RIMBP2: variants seen among roughly 807,000 people sequenced by gnomAD.
The protein encoded by RIMBP2 is RIMS binding protein 2, also known as RIMS-binding protein 2.
Under a neutral mutation model 118.6 loss-of-function variants are expected in RIMBP2, and 48 were observed. The observed-to-expected ratio is 0.40, with a 90% CI of 0.32 to 0.51. The LOEUF (loss-of-function observed/expected upper bound fraction) is 0.51, where lower values mean the gene tolerates loss of function less well. Ranked by LOEUF, RIMBP2 falls within the 20% of genes least tolerant of loss-of-function variation. RIMBP2 has a pLI of 0.41. For synonymous variants in RIMBP2, 762 were observed against 742.9 expected, an observed-to-expected ratio of 1.03 and a Z score of -0.42; for missense variants, 1,551 against 1,768.3, an observed-to-expected ratio of 0.88 and a Z score of 2.20.
chr12:130,546,314 G>C (rs1403150761), intron 2 of RIMBP2, among the ~76,000 whole-genome samples: 2 of 148,800 alleles, frequency 1.3e-5, no homozygotes, highest in African/African-American at 5.0e-5. Context: ...TTAGCTTTTT[G>C]AGACAGAATC....
chr12:130,644,743 T>C (rs1374886693), intron 1 of RIMBP2, among the ~76,000 whole-genome samples: 1 of 152,200 alleles, frequency 6.6e-6, no homozygotes, highest in Non-Finnish European at 1.5e-5. Flanking sequence ...CAGGAGCATA[T>C]GGCCACAACC....
At position 130,648,004 on chromosome 12, in the gene RIMBP2, C is replaced by T. The variant is rs1335934088; in HGVS notation, c.-351-19548G>A. Among the ~76,000 whole-genome samples the T allele has an allele frequency of 1.4e-5, 2 of 146,462 alleles. 1 individual carries two copies. The highest frequency in any genetic ancestry group is 4.9e-5 in the African/African-American group (2 of 40,890). On this transcript the variant is annotated intron_variant, in intron 1 of 22. Transcript: ENST00000690449. Reference sequence around the variant, plus strand: ...CTCCGTTGGATAACACATGCACACACGTGTGCACACACATGTGAACACACG... The same window carrying T: ...CTCCGTTGGATAACACATGCACACATGTGTGCACACACATGTGAACACACG...
At chr12:130,676,435 C>T (rs1451013551) in intron 1 of RIMBP2, among the ~76,000 whole-genome samples, 1 of 151,306 alleles carries the variant, frequency 6.6e-6, no homozygotes, top group Non-Finnish European at 1.5e-5. Flanking sequence ...CCATCCTGGC[C>T]AACATGGTGA....
chr12:130,597,801 G>A lies in RIMBP2; in HGVS notation c.-217+30521C>T, dbSNP rs376791538. ...ATTAACAACCTTAAGGTAAAAAATT[G>A]ACTGCTTTCTCCCTAAGATTGGACA... On this transcript the variant is annotated intron_variant, in intron 2 of 22. Coordinates refer to ENST00000690449, the MANE Select transcript of RIMBP2 (RefSeq NM_001393629.1). Among the ~76,000 whole-genome samples the A allele has an allele frequency of 1.2e-4, 19 of 152,314 alleles. No homozygotes were observed. In the South Asian group the frequency reaches 3.7e-3, roughly 30 times the overall value.
intron 4 of RIMBP2, among the ~76,000 whole-genome samples, chr12:130,495,767 T>G (rs751657099): frequency 6.6e-6 from 1 of 152,220 alleles, no homozygotes; most frequent in Non-Finnish European, 1.5e-5. Flanking sequence ...AGCCACTATG[T>G]TAGATCACTG....
rs116121123 is a variant in RIMBP2 at position 130,582,715 on chromosome 12, G to A, written c.-217+45607C>T. 8.6e-3 allele frequency among the ~76,000 whole-genome samples: 1,303 copies of A among 152,320 alleles called. 17 individuals are homozygous for A. Among genetic ancestry groups the A allele is most frequent in the African/African-American group, 0.03 (1,245 of 41,568 alleles). ...CATTCTCTGCCCAAACCCAGGACCT[G>A]CTGAATCAGAAACTGGAGGAGGGGC... On this transcript the variant is annotated intron_variant, in intron 2 of 22. Transcript: ENST00000690449.
At chr12:130,407,938 T>C in intron 19 of RIMBP2, 109 bp from the exon 20 acceptor site, 1 of 956,894 alleles carries the variant, frequency 1.0e-6, no homozygotes, top group Non-Finnish European at 1.7e-6. Flanking sequence ...GACCTGGCAC[T>C]GCTAACAGGG....
At chr12:130,674,881 G>A (rs1240388120) in intron 1 of RIMBP2, among the ~76,000 whole-genome samples, 2 of 152,114 alleles carry the variant, frequency 1.3e-5, no homozygotes, top group Non-Finnish European at 1.5e-5. Context: ...TTCCGGGTCC[G>A]GCCTCTTCCA....
At chr12:130,598,546 G>A (rs777135487) in intron 2 of RIMBP2, among the ~76,000 whole-genome samples, 2 of 152,226 alleles carry the variant, frequency 1.3e-5, no homozygotes, top group Admixed American at 1.3e-4. Flanking sequence ...GGCTAACACG[G>A]TGAAACCCCA....
At position 130,411,257 on chromosome 12, in the gene RIMBP2, T is replaced by A. The variant is rs568420761; in HGVS notation, c.3589+1362A>T. Among the ~76,000 whole-genome samples, 15 of 152,322 alleles carry A rather than the reference T, an allele frequency of 9.8e-5. No homozygotes were observed. In the South Asian group the frequency reaches 3.1e-3, roughly 32 times the overall value. ...TAGGAACTTTTTTATCCTTTGAGAT[T>A]CCTTGAGATTTTCTAAGTAGATTTC... is the stretch of plus-strand genomic sequence containing the variant. On this transcript the variant is annotated intron_variant, in intron 19 of 22. Coordinates refer to ENST00000690449, the MANE Select transcript of RIMBP2 (RefSeq NM_001393629.1).
In RIMBP2 at chr12:130,710,879, C is replaced by G. The variant is rs1057321817; in HGVS notation, c.-352+5343G>C. ...CACTGCTCCCAATCCTCACAGGCCC[C>G]GCACGTCACACGTGGGGTCCCATGG... is the stretch of plus-strand genomic sequence containing the variant. On this transcript the variant is annotated intron_variant, in intron 1 of 22. Transcript: ENST00000690449. The surrounding 1 kb of genome is among the most constrained non-coding windows in gnomAD (Gnocchi z 4.3). Among the ~76,000 whole-genome samples the G allele has an allele frequency of 6.6e-6, 1 of 152,242 alleles. No homozygotes were observed. Among genetic ancestry groups the G allele is most frequent in the Non-Finnish European group, 1.5e-5 (1 of 68,048 alleles).
rs373932921 is a variant in RIMBP2 at position 130,609,448 on chromosome 12, C to CCA, written c.-217+18873_-217+18874insTG. On this transcript the variant is annotated intron_variant, in intron 2 of 22. Coordinates refer to ENST00000690449, the MANE Select transcript of RIMBP2 (RefSeq NM_001393629.1). ...GTGATATGGTCAGAGGGACCCCGAC[C>CCA]CCCAGAGGAGAACTGAGCCACCTGG... is the stretch of plus-strand genomic sequence containing the variant. Among the ~76,000 whole-genome samples the CCA allele has an allele frequency of 5.4e-3, 821 of 150,976 alleles. 47 individuals are homozygous for CCA. The highest frequency in any genetic ancestry group is 0.019 in the African/African-American group (765 of 41,136).
intron 1 of RIMBP2, among the ~76,000 whole-genome samples, chr12:130,692,895 A>ATAGGGTAGGG (rs1566461592): frequency 8.7e-6 from 1 of 114,560 alleles, no homozygotes; most frequent in Admixed American, 9.1e-5. Context: ...GTAGGGTAGG[A>ATAGGGTAGGG]TAGGATAGGG....
chr12:130,697,797 G>A (rs997413273), intron 1 of RIMBP2, among the ~76,000 whole-genome samples: 1 of 152,112 alleles, frequency 6.6e-6, no homozygotes, highest in Non-Finnish European at 1.5e-5. Context: ...ACTCCAGCCT[G>A]GGCCACAAAG....
intron 1 of RIMBP2, among the ~76,000 whole-genome samples, chr12:130,699,742 T>A (rs10161056): frequency 0.42 from 62,726 of 151,136 alleles, 16,777 homozygotes; most frequent in African/African-American, 0.76. Flanking sequence ...AATAAAATTT[T>A]AAAAAATACA....
intron 2 of RIMBP2, among the ~76,000 whole-genome samples, chr12:130,616,392 G>A (rs547171528): frequency 1.3e-5 from 2 of 151,972 alleles, no homozygotes; most frequent in African/African-American, 4.8e-5. Flanking sequence ...TTCTCTGACT[G>A]TTGCCGTTTT....
chr12:130,584,526 TCATCACCAC>T (rs1471433698), intron 2 of RIMBP2, among the ~76,000 whole-genome samples: 7 of 126,988 alleles, frequency 5.5e-5, no homozygotes, highest in African/African-American at 1.5e-4. Context: ...CACCATCACC[TCATCACCAC>T]CATCACCACC....
intron 1 of RIMBP2, among the ~76,000 whole-genome samples, chr12:130,652,718 C>T (rs1309351236): frequency 6.6e-6 from 1 of 152,124 alleles, no homozygotes; most frequent in East Asian, 1.9e-4. Flanking sequence ...TTTTAATTGG[C>T]TCATGGTTCT....
chr12:130,408,038 T>C (rs2075341064), intron 19 of RIMBP2, among the ~76,000 whole-genome samples: 3 of 152,262 alleles, frequency 2.0e-5, no homozygotes, highest in Non-Finnish European at 4.4e-5. Flanking sequence ...TGCTGTAGTA[T>C]GGTTTCTCCC....
Sources: allele counts gnomAD v4.1 joint callset (sites outside exome capture counted in the v4.1 genomes callset), GRCh38; gene constraint gnomAD v4.1.1; non-coding constraint Gnocchi (gnomAD v3.1); transcripts MANE v1.5; gene names NCBI Gene and HGNC (gene_info 2026-07-23, HGNC 2026-07-21).